DLGAP1: variants seen among roughly 807,000 people sequenced by gnomAD.
DLGAP1 encodes disks large-associated protein 1.
A neutral mutation model predicts 90.8 loss-of-function variants in DLGAP1; 11 were observed. The observed-to-expected ratio is 0.12, with a 90% CI of 0.08 to 0.20. DLGAP1 has a LOEUF of 0.20. DLGAP1 is among the 10% of genes least tolerant of loss of function. The pLI, the probability that DLGAP1 is intolerant of heterozygous loss-of-function variation, is 1.00. For missense variants in DLGAP1, 1,050 were observed against 1,333.8 expected, an observed-to-expected ratio of 0.79 and a Z score of 3.31; for synonymous variants, 558 against 540.7, an observed-to-expected ratio of 1.03 and a Z score of -0.44.
rs542358102 is a variant in DLGAP1 at position 3,657,900 on chromosome 18, G to A, written c.1591+71235C>T. Among the ~76,000 whole-genome samples, 7 of 152,232 alleles carry A rather than the reference G, an allele frequency of 4.6e-5. 1 individual carries two copies. The South Asian group carries it at 1.2e-3, about 27-fold the overall frequency. ...ATTACAGGCTTGAGCCACCGCGCCC[G>A]GCTCCCATGGAATTCTTTTGTTCAT... On this transcript the variant is annotated intron_variant, in intron 7 of 12. Transcript: ENST00000315677.
At chr18:3,539,813 A>C (rs940597737) in intron 9 of DLGAP1, among the ~76,000 whole-genome samples, 1 of 152,202 alleles carries the variant, frequency 6.6e-6, no homozygotes, top group African/African-American at 2.4e-5. Flanking sequence ...CAAGTCATGA[A>C]CTTATTTTTA....
intron 2 of DLGAP1, among the ~76,000 whole-genome samples, chr18:4,071,077 C>G (rs2075440132): frequency 6.6e-6 from 1 of 152,024 alleles, no homozygotes; most frequent in African/African-American, 2.4e-5. Flanking sequence ...ATGTAGGAGA[C>G]AGAGTAAATA....
chr18:4,157,649 TGA>T (rs148709954), intron 1 of DLGAP1, among the ~76,000 whole-genome samples: 5,424 of 152,316 alleles, frequency 0.036, 126 homozygotes, highest in Non-Finnish European at 0.052. Flanking sequence ...AATAGGACAG[TGA>T]GCATCAAGGG....
chr18:4,369,047 TC>T (rs940763710), intron 1 of DLGAP1, among the ~76,000 whole-genome samples: 28 of 152,140 alleles, frequency 1.8e-4, no homozygotes, highest in African/African-American at 6.8e-4. Flanking sequence ...GATATGCAGC[TC>T]TTTTTATCAG....
rs541208916 is a variant in DLGAP1, at chr18:3,660,120, C to A, written c.1591+69015G>T. Among the ~76,000 whole-genome samples, 2 of 152,164 alleles carry A rather than the reference C, an allele frequency of 1.3e-5. No homozygotes were observed. Among genetic ancestry groups the A allele is most frequent in the African/African-American group, 4.8e-5 (2 of 41,526 alleles). On this transcript the variant is annotated intron_variant, in intron 7 of 12. Coordinates refer to ENST00000315677, the MANE Select transcript of DLGAP1 (RefSeq NM_004746.4). The surrounding 1 kb of genome is among the most constrained non-coding windows in gnomAD (Gnocchi z 4.2). Reference sequence around the variant, plus strand: ...CCTTGATTACTATATTTAGAGCAGGCCAGAAATAACTCTATCCCATTGCTC... The same window carrying A: ...CCTTGATTACTATATTTAGAGCAGGACAGAAATAACTCTATCCCATTGCTC...
At chr18:3,973,980 G>A (rs944104947) in intron 3 of DLGAP1, among the ~76,000 whole-genome samples, 1 of 152,212 alleles carries the variant, frequency 6.6e-6, no homozygotes, top group African/African-American at 2.4e-5. Context: ...TGCACAGCAC[G>A]TGACTGTCCT....
chr18:4,415,376 AT>A (rs113768201), intron 1 of DLGAP1, among the ~76,000 whole-genome samples: 5 of 152,318 alleles, frequency 3.3e-5, no homozygotes, highest in African/African-American at 1.2e-4. Flanking sequence ...AGCTACAAAA[AT>A]ATTGTGGTGT....
chr18:3,561,957 T>G (rs192323509), intron 9 of DLGAP1, among the ~76,000 whole-genome samples: 3 of 150,776 alleles, frequency 2.0e-5, no homozygotes, highest in South Asian at 2.1e-4. Flanking sequence ...AACCGGGCAC[T>G]GTGGCTCACG....
chr18:3,877,592 C>T (rs189597311), intron 4 of DLGAP1, among the ~76,000 whole-genome samples: 72 of 152,278 alleles, frequency 4.7e-4, no homozygotes, highest in Middle Eastern at 6.8e-3. Context: ...AAATACTTTA[C>T]TTTCAGTGGT....
At chr18:4,393,069 C>T (rs72864554) in intron 1 of DLGAP1, among the ~76,000 whole-genome samples, 3 of 152,162 alleles carry the variant, frequency 2.0e-5, no homozygotes, top group Non-Finnish European at 4.4e-5. Flanking sequence ...GCAGCCCTCA[C>T]GTGGTTGTCA....
rs568999611 is a variant in DLGAP1 at position 4,224,470 on chromosome 18, TC to T, written c.-266-73184del. On this transcript the variant is annotated intron_variant, in intron 1 of 12. Transcript: ENST00000315677. ...GCCCTGGGCCATATGGGAACCCACATCCCTGAAGGGTGAGTTTCAGGCCTGA... is the reference window on the plus strand; with the variant it reads ...GCCCTGGGCCATATGGGAACCCACATCCTGAAGGGTGAGTTTCAGGCCTGA... 3.2e-3 allele frequency among the ~76,000 whole-genome samples: 492 copies of T among 152,234 alleles called. 2 individuals carry two copies. Among genetic ancestry groups the T allele is most frequent in the African/African-American group, 0.011 (472 of 41,544 alleles).
At chr18:4,144,365 A>G (rs924540452) in intron 2 of DLGAP1, among the ~76,000 whole-genome samples, 1 of 152,120 alleles carries the variant, frequency 6.6e-6, no homozygotes, top group Non-Finnish European at 1.5e-5. Context: ...TCTGTCCCAC[A>G]TTGCTTTCCA....
rs543278990 is a variant in DLGAP1, at chr18:4,000,656, G to T, written c.-73+4460C>A. 5.9e-5 allele frequency among the ~76,000 whole-genome samples: 9 copies of T among 152,266 alleles called. No homozygotes were observed. The South Asian group carries it at 6.2e-4, about 11-fold the overall frequency. Reference sequence around the variant, plus strand: ...GTGTTTATTAAGAATTGTGACCATGGTATTTAAAGATCAATGTTGCTGGTT... The same window carrying T: ...GTGTTTATTAAGAATTGTGACCATGTTATTTAAAGATCAATGTTGCTGGTT... On this transcript the variant is annotated intron_variant, in intron 3 of 12. Transcript: ENST00000315677.
At chr18:4,265,641 TTCCCTCCCTCCC>T (rs1186187652) in intron 1 of DLGAP1, among the ~76,000 whole-genome samples, 2 of 28,298 alleles carry the variant, frequency 7.1e-5, no homozygotes, top group Non-Finnish European at 1.0e-4. Flanking sequence ...CTCCCTCCCC[TTCCCTCCCTCCC>T]TCCCTCCCTC....
At chr18:3,997,561 A>G (rs1480028350) in intron 3 of DLGAP1, among the ~76,000 whole-genome samples, 1 of 152,120 alleles carries the variant, frequency 6.6e-6, no homozygotes, top group East Asian at 1.9e-4. Context: ...TATTTCCTGT[A>G]AGGTGTCATT....
chr18:3,635,693 C>T lies in DLGAP1; in HGVS notation c.1592-53445G>A, dbSNP rs73383006. Among the ~76,000 whole-genome samples, 1,168 of 151,552 alleles carry T rather than the reference C, an allele frequency of 7.7e-3. 32 individuals carry two copies. Among genetic ancestry groups the T allele is most frequent in the African/African-American group, 0.026 (1,063 of 41,236 alleles). ...CCCAATTCTCTCTTGGAATGTAACC[C>T]CCTAACTTTGAATTCTAATCTTCAA... is the stretch of plus-strand genomic sequence containing the variant. On this transcript the variant is annotated intron_variant, in intron 7 of 12. Transcript: ENST00000315677.
intron 3 of DLGAP1, among the ~76,000 whole-genome samples, chr18:3,958,075 G>A (rs1180547959): frequency 6.6e-6 from 1 of 151,904 alleles, no homozygotes; most frequent in Non-Finnish European, 1.5e-5. Context: ...TGTATTTTTA[G>A]TAGAGACAGG....
At chr18:3,532,313 C>T (rs1459067763) in intron 10 of DLGAP1, among the ~76,000 whole-genome samples, 3 of 151,980 alleles carry the variant, frequency 2.0e-5, no homozygotes, top group African/African-American at 7.2e-5. Context: ...GGCACAGTGG[C>T]TTATGCCTGT....
At chr18:3,504,381 T>C (rs534740392) in intron 11 of DLGAP1, among the ~76,000 whole-genome samples, 18 of 152,188 alleles carry the variant, frequency 1.2e-4, no homozygotes, top group African/African-American at 4.3e-4. Flanking sequence ...TATAGATATA[T>C]CTGTTTATTT....
Sources: allele counts gnomAD v4.1 joint callset (sites outside exome capture counted in the v4.1 genomes callset), GRCh38; gene constraint gnomAD v4.1.1; non-coding constraint Gnocchi (gnomAD v3.1); transcripts MANE v1.5; gene names NCBI Gene and HGNC (gene_info 2026-07-23, HGNC 2026-07-21).